The following DIS3L2 variants were observed in gnomAD, a reference collection of about 807,000 sequenced individuals.
DIS3L2 encodes DIS3 like 3'-5' exoribonuclease 2.
Under a neutral mutation model 97.5 loss-of-function variants are expected in DIS3L2, and 34 were observed. That is an observed-to-expected ratio of 0.35 (90% confidence interval 0.27 to 0.46). The LOEUF is 0.46. DIS3L2 is among the 20% of genes least tolerant of loss of function. DIS3L2 has a pLI of 1.00. For missense variants in DIS3L2, 1,038 were observed against 1,146.0 expected (o/e 0.91, Z 1.36); for synonymous variants, 435 against 445.2 (o/e 0.98, Z 0.29).
At chr2:232,321,610 A>AGTGAC (rs1371446155) in intron 14 of DIS3L2, among the ~76,000 whole-genome samples, 1 of 152,112 alleles carries the variant, frequency 6.6e-6, no homozygotes, top group Non-Finnish European at 1.5e-5. Flanking sequence ...CGCCTTCGGC[A>AGTGAC]GTGACGCGAA....
At chr2:232,272,031 A>G (rs76002681) in intron 13 of DIS3L2, among the ~76,000 whole-genome samples, 2,201 of 152,334 alleles carry the variant, frequency 0.014, 26 homozygotes, top group Non-Finnish European at 0.022. Flanking sequence ...TCACGAGTGC[A>G]TAAAAACTAA....
chr2:232,156,591 A>C (rs1690502216), intron 8 of DIS3L2, among the ~76,000 whole-genome samples: 2 of 152,220 alleles, frequency 1.3e-5, no homozygotes, highest in Non-Finnish European at 2.9e-5. Flanking sequence ...ATTATATTTA[A>C]AAAACTGGAC....
downstream of DIS3L2, among the ~76,000 whole-genome samples, chr2:232,340,524 G>T (rs1696080700): frequency 6.6e-6 from 1 of 152,158 alleles, no homozygotes. Context: ...ACGGTCTCTG[G>T]GCCAGGACCA....
In DIS3L2 at chr2:232,030,019, G is replaced by C. The variant is rs372013568; in HGVS notation, c.305G>C (p.Arg102Pro). ...RDIFIDGVVARNRALNGDLVV... is the reference protein window; with the variant it reads ...RDIFIDGVVAPNRALNGDLVV... ...ATTTTTATTGATGGGGTTGTTGCTC[G>C]TAATAGAGCCTTAAATGGGGATCTG... Residue 102 changes from arginine (R) to proline (P), a missense_variant, in exon 5 of 21, where the codon CGT (arginine) becomes CCT (proline). Physicochemically the swap from Arg to Pro is moderately radical, Grantham distance 103 (BLOSUM62 -2). Coordinates refer to ENST00000325385, the MANE Select transcript of DIS3L2 (RefSeq NM_152383.5). The C allele has an allele frequency of 1.7e-5, 27 of 1,608,844 alleles. No homozygotes were observed. Among genetic ancestry groups the C allele is most frequent in the Non-Finnish European group, 3.4e-6 (4 of 1,178,052 alleles).
chr2:232,030,835 GTCT>G lies in DIS3L2; in HGVS notation c.366+761_366+763del, dbSNP rs1333990112. Among the ~76,000 whole-genome samples, 8 of 150,366 alleles carry G rather than the reference GTCT, an allele frequency of 5.3e-5. No homozygotes were observed. In the South Asian group the frequency reaches 8.4e-4, roughly 16 times the overall value. ...GTTTTATTTATTTGAAGAATTTGGT[GTCT>G]TCTTCAATAATACGTGTTATAGATG... On this transcript the variant is annotated intron_variant, in intron 5 of 20. Coordinates refer to ENST00000325385, the MANE Select transcript of DIS3L2 (RefSeq NM_152383.5).
At chr2:231,994,079 GT>G (rs770565920) in intron 1 of DIS3L2, among the ~76,000 whole-genome samples, 1,588 of 123,318 alleles carry the variant, frequency 0.013, 14 homozygotes, top group African/African-American at 0.036. Context: ...TTTTTTGTTG[GT>G]TTTTTTTTTT....
chr2:232,197,981 A>AC (rs932369022), intron 9 of DIS3L2, among the ~76,000 whole-genome samples: 3 of 151,442 alleles, frequency 2.0e-5, no homozygotes, highest in African/African-American at 7.3e-5. Flanking sequence ...AAAAAAAAAA[A>AC]GAAAAGTCTG....
At chr2:232,156,623 A>G (rs1690503526) in intron 8 of DIS3L2, among the ~76,000 whole-genome samples, 3 of 152,092 alleles carry the variant, frequency 2.0e-5, no homozygotes, top group Admixed American at 1.3e-4. Context: ...CTTTTTGTCT[A>G]AGTTTTTAGC....
intron 13 of DIS3L2, among the ~76,000 whole-genome samples, chr2:232,266,013 C>CTAG (rs1240411930): frequency 6.6e-6 from 1 of 152,144 alleles, no homozygotes; most frequent in African/African-American, 2.4e-5. Flanking sequence ...TTTCTAACTT[C>CTAG]TAGAATAACC....
chr2:232,305,994 T>C (rs2106326484), intron 14 of DIS3L2, among the ~76,000 whole-genome samples: 1 of 152,138 alleles, frequency 6.6e-6, no homozygotes, highest in African/African-American at 2.4e-5. Flanking sequence ...AGGGATTGTG[T>C]TTAGTGGGAG....
At chr2:232,271,932 A>G (rs1694016871) in intron 13 of DIS3L2, among the ~76,000 whole-genome samples, 1 of 152,242 alleles carries the variant, frequency 6.6e-6, no homozygotes, top group Admixed American at 6.5e-5. Flanking sequence ...AGGCATGAAC[A>G]ATAGACAAAC....
chr2:232,009,575 G>T (rs892370979), intron 1 of DIS3L2, among the ~76,000 whole-genome samples: 1 of 152,190 alleles, frequency 6.6e-6, no homozygotes, highest in Non-Finnish European at 1.5e-5. Flanking sequence ...TTGAAACAAC[G>T]AGCTTCCCTT....
At chr2:232,277,346 G>A (rs551428498) in intron 13 of DIS3L2, among the ~76,000 whole-genome samples, 26 of 152,294 alleles carry the variant, frequency 1.7e-4, no homozygotes, top group Admixed American at 7.2e-4. Flanking sequence ...ACCCGCTAAC[G>A]TTGGTGCAGC....
At chr2:232,329,785 T>TCCCGGGGCCACCCC in intron 14 of DIS3L2, 28 bp from the exon 15 acceptor site, 1 of 967,144 alleles carries the variant, frequency 1.0e-6, no homozygotes, top group Non-Finnish European at 1.5e-6. Context: ...ACCCCAGCGG[T>TCCCGGGGCCACCCC]CCCTCCCATC....
At chr2:232,315,907 C>T (rs1416048249) in intron 14 of DIS3L2, among the ~76,000 whole-genome samples, 1 of 152,226 alleles carries the variant, frequency 6.6e-6, no homozygotes, top group Non-Finnish European at 1.5e-5. Flanking sequence ...CCCAAGCCAA[C>T]CCCATGTGAC....
intron 16 of DIS3L2, among the ~76,000 whole-genome samples, 190 bp from the exon 17 acceptor site, chr2:232,333,650 G>A (rs1405735556): frequency 2.0e-5 from 3 of 152,164 alleles, no homozygotes; most frequent in Non-Finnish European, 2.9e-5. Flanking sequence ...CAGCCTCCTG[G>A]CCTCCCCCTG....
At chr2:231,962,682 G>A (rs956759454) in intron 1 of DIS3L2, among the ~76,000 whole-genome samples, 2 of 152,022 alleles carry the variant, frequency 1.3e-5, no homozygotes, top group Non-Finnish European at 2.9e-5. Flanking sequence ...TGATCCGCCC[G>A]CCTTGGCCTC....
chr2:232,295,783 G>T (rs1694711993), intron 13 of DIS3L2, among the ~76,000 whole-genome samples: 1 of 152,184 alleles, frequency 6.6e-6, no homozygotes, highest in African/African-American at 2.4e-5. Context: ...CCCTGCAAGA[G>T]TCTTTTCTGA....
chr2:232,213,160 T>C (rs1351497296), intron 10 of DIS3L2, among the ~76,000 whole-genome samples: 3 of 152,192 alleles, frequency 2.0e-5, no homozygotes, highest in Non-Finnish European at 4.4e-5. Flanking sequence ...AATGATGGGA[T>C]CATAAGTGAT....
Sources: gnomAD v4.1 joint callset for allele counts (sites outside exome capture counted in the v4.1 genomes callset) on GRCh38, gnomAD v4.1.1 for gene constraint, MANE v1.5 for transcripts, NCBI Gene and HGNC (gene_info 2026-07-23, HGNC 2026-07-21) for gene names.